ZFP41: variants seen among roughly 807,000 people sequenced by gnomAD.
ZFP41 encodes zinc finger protein 41 homolog.
In ZFP41, 10 loss-of-function variants were observed where a neutral mutation model predicts 11.6. The ratio of observed to expected loss-of-function variants is 0.86; its 90% CI spans 0.53 to 1.47. ZFP41 has a LOEUF of 1.47. Among genes scored for constraint, ZFP41 ranks in the 40% most tolerant of loss-of-function variants. The pLI is 0.00. For synonymous variants in ZFP41, 123 were observed against 100.9 expected (o/e 1.22, Z -1.31); for missense variants, 302 against 264.6 (o/e 1.14, Z -0.98).
rs1816760824 is a variant in ZFP41 at position 143,249,799 on chromosome 8, G to A, written c.-45G>A. 6.6e-7 allele frequency: 1 copy of A among 1,525,718 alleles called. No individual in the cohort carries two copies. The allele number at this position is 1,525,718 out of a possible 1,614,324, so 94.5% of individuals were successfully genotyped here. ...CCATTGAGGAAGTGGGGCCAACAGA[G>A]AGGTCAGCAGCCCCTTAGCCCTCAC... On this transcript the variant is annotated 5_prime_UTR_variant, in exon 2 of 3. Transcript: ENST00000330701.
Position 143,250,290 on chromosome 8 carries a change from G to A in ZFP41, c.447G>A (p.Gly149=). 1 of 1,614,100 alleles carries A rather than the reference G, an allele frequency of 6.2e-7. No individual in the cohort carries two copies. The highest frequency in any genetic ancestry group is 1.7e-5 in the Admixed American group (1 of 60,030). ...GEKPFKCGEC[G]KAFNCGSNLL... is the part of the protein sequence containing the mutation. ...AGCCCTTCAAATGCGGGGAGTGCGG[G>A]AAAGCCTTTAACTGCGGCTCCAATC... Residue 149 remains glycine, a synonymous_variant, in exon 2 of 3, where the codon GGG becomes GGA. Coordinates refer to ENST00000330701, the MANE Select transcript of ZFP41 (RefSeq NM_173832.6).
At chr8:143,251,978 T>G (rs1344463670) in intron 2 of ZFP41, among the ~76,000 whole-genome samples, 1 of 152,214 alleles carries the variant, frequency 6.6e-6, no homozygotes, top group Non-Finnish European at 1.5e-5. Flanking sequence ...GCCTGTTCCA[T>G]GGCAGGGGGT....
intron 2 of ZFP41, among the ~76,000 whole-genome samples, chr8:143,255,524 C>T (rs1258768132): frequency 1.4e-5 from 2 of 138,642 alleles, no homozygotes; most frequent in Admixed American, 7.2e-5. Context: ...GATCAGGGCT[C>T]GCCCCACGTG....
chr8:143,254,628 T>TA (rs1814863337), intron 2 of ZFP41, among the ~76,000 whole-genome samples: 1 of 139,016 alleles, frequency 7.2e-6, no homozygotes, highest in Admixed American at 8.4e-5. Flanking sequence ...TAGGGAGCGT[T>TA]ACTTTTTTTT....
chr8:143,255,630 C>T (rs1316756413), intron 2 of ZFP41, among the ~76,000 whole-genome samples: 4 of 137,744 alleles, frequency 2.9e-5, no homozygotes, highest in African/African-American at 5.6e-5. Flanking sequence ...GAGCTCACCC[C>T]GCGTGCTGGT....
In ZFP41 at chr8:143,262,021, G is replaced by GCCTGCA. The variant is rs1025804735; in HGVS notation, c.*3150_*3155dup. ...GCCACGCCCGTCTCCGGCAGCCCCT[G>GCCTGCA]CCTGCACCCGCACCCCTCACGGCTG... On this transcript the variant is annotated 3_prime_UTR_variant, in exon 3 of 3. Transcript: ENST00000330701. 3 of 196,716 alleles carry GCCTGCA rather than the reference G, an allele frequency of 1.5e-5. No homozygotes were observed. The highest frequency in any genetic ancestry group is 3.8e-4 in the East Asian group (2 of 5,240). The allele number at this position is 196,716 out of a possible 1,614,324, so 12.2% of individuals were successfully genotyped here.
Position 143,261,575 on chromosome 8 carries a change from C to A in ZFP41, c.*2701C>A. 6.5e-6 allele frequency: 1 copy of A among 153,610 alleles called. No individual in the cohort carries two copies. The highest frequency in any genetic ancestry group is 1.4e-5 in the Non-Finnish European group (1 of 68,970). 9.5% of individuals were successfully genotyped at this position (153,610 alleles called of 1,614,324 possible). A position where few individuals can be genotyped will look rare whatever the true frequency, so the allele number is the denominator to read the frequency against. ...AACCTAGCCACGTGGTCAGGGAGCCCGGGCCTAGCAGACGGCCCCCACCTT... is the reference window on the plus strand; with the variant it reads ...AACCTAGCCACGTGGTCAGGGAGCCAGGGCCTAGCAGACGGCCCCCACCTT... On this transcript the variant is annotated 3_prime_UTR_variant, in exon 3 of 3. Transcript: ENST00000330701.
Position 143,250,279 on chromosome 8 carries a change from G to T in ZFP41, c.436G>T (p.Gly146Trp). ...CACGGGAGAGAAGCCCTTCAAATGC[G>T]GGGAGTGCGGGAAAGCCTTTAACTG... ...THTGEKPFKC[G>W]ECGKAFNCGS... Residue 146 changes from glycine (G) to tryptophan (W), a missense_variant, in exon 2 of 3, where the codon GGG becomes TGG. Gly to Trp is a radical substitution (Grantham distance 184, BLOSUM62 -2). Coordinates refer to ENST00000330701, the MANE Select transcript of ZFP41 (RefSeq NM_173832.6). 10 of 1,614,070 alleles carry T rather than the reference G, an allele frequency of 6.2e-6. No homozygotes were observed. Among genetic ancestry groups the T allele is most frequent in the Non-Finnish European group, 7.6e-6 (9 of 1,180,030 alleles).
At position 143,260,588 on chromosome 8, in the gene ZFP41, G is replaced by A; in HGVS notation, c.*1714G>A. ...CATGGCGCACCCACACCAGCCCCGG[G>A]CTCCGCCTGGACAGCACCTCCTGGG... On this transcript the variant is annotated 3_prime_UTR_variant, in exon 3 of 3. Transcript: ENST00000330701. 5.8e-6 allele frequency: 1 copy of A among 171,426 alleles called. No individual in the cohort carries two copies. Among genetic ancestry groups the A allele is most frequent in the African/African-American group, 2.4e-5 (1 of 41,636 alleles). The allele number at this position is 171,426 out of a possible 1,614,324, so 10.6% of individuals were successfully genotyped here. A position where few individuals can be genotyped will look rare whatever the true frequency, so the allele number is the denominator to read the frequency against.
rs1241957356 is a variant in ZFP41, at chr8:143,261,783, G to A, written c.*2909G>A. ...CCGCACCCGTGCACCTTCCACGCCC[G>A]TCTCCAGCAGCCCCTGCCCCCACCC... is the stretch of plus-strand genomic sequence containing the variant. On this transcript the variant is annotated 3_prime_UTR_variant, in exon 3 of 3. Transcript: ENST00000330701. 1.1e-4 allele frequency: 22 copies of A among 204,668 alleles called. No homozygotes were observed. The highest frequency in any genetic ancestry group is 1.2e-4 in the South Asian group (2 of 16,764). 12.7% of individuals were successfully genotyped at this position (204,668 alleles called of 1,614,324 possible).
At chr8:143,249,498 T>G (rs971070217) in intron 1 of ZFP41, 192 bp from the exon 2 acceptor site, 2 of 205,030 alleles carry the variant, frequency 9.8e-6, no homozygotes, top group Non-Finnish European at 2.0e-5. Flanking sequence ...AAGGATTCCT[T>G]GGTGAGCAAC....
intron 2 of ZFP41, among the ~76,000 whole-genome samples, chr8:143,252,234 C>T (rs1014671595): frequency 1.3e-5 from 2 of 152,260 alleles, no homozygotes; most frequent in Non-Finnish European, 2.9e-5. Context: ...CAGCCCGTCA[C>T]CTGCTCACAC....
Position 143,250,931 on chromosome 8 carries a change from GA to G in ZFP41, c.*492del, listed in dbSNP as rs1814730599. 5.7e-6 allele frequency: 1 copy of G among 176,786 alleles called. No individual in the cohort carries two copies. The highest frequency in any genetic ancestry group is 1.4e-5 in the Non-Finnish European group (1 of 73,568). 11.0% of individuals were successfully genotyped at this position (176,786 alleles called of 1,614,324 possible). On this transcript the variant is annotated 3_prime_UTR_variant, in exon 2 of 3. Transcript: ENST00000330701. ...TGGACTCTCTGCCCTCTGGGTCCCC[GA>G]GCTCTGCAGCGAGCCCTGGGACCAC...
At chr8:143,258,847 G>A (rs933364030) in intron 2 of ZFP41, among the ~76,000 whole-genome samples, 5 of 152,208 alleles carry the variant, frequency 3.3e-5, no homozygotes, top group Admixed American at 1.3e-4. Flanking sequence ...GCCCCACAGC[G>A]TGGTAAAGAT....
At position 143,250,412 on chromosome 8, in the gene ZFP41, A is replaced by C; in HGVS notation, c.569A>C (p.Gln190Pro). Reference protein sequence around the residue: ...FAYSSCLIRHQKRHPRKKP With the variant: ...FAYSSCLIRHPKRHPRKKP Reference sequence around the variant, plus strand: ...TACAGCTCCTGTCTCATCCGCCATCAGAAACGCCACCCTCGGAAGAAGCCC... The same window carrying C: ...TACAGCTCCTGTCTCATCCGCCATCCGAAACGCCACCCTCGGAAGAAGCCC... Residue 190 changes from glutamine to proline, a missense_variant, in exon 2 of 3, where the codon CAG (glutamine) becomes CCG (proline). Transcript: ENST00000330701. 1 of 1,611,910 alleles carries C rather than the reference A, an allele frequency of 6.2e-7. No homozygotes were observed. The highest frequency in any genetic ancestry group is 8.5e-7 in the Non-Finnish European group (1 of 1,178,532).
rs915050726 is a variant in ZFP41, at chr8:143,260,417, G to A, written c.*1543G>A. ...GACTCCGGTGAGGTCACCCTGGAGG[G>A]GAGTCCCAGGAATCAGCCTGATGTT... On this transcript the variant is annotated 3_prime_UTR_variant, in exon 3 of 3. Coordinates refer to ENST00000330701, the MANE Select transcript of ZFP41 (RefSeq NM_173832.6). 6.4e-6 allele frequency: 1 copy of A among 157,090 alleles called. No individual in the cohort carries two copies. Among genetic ancestry groups the A allele is most frequent in the Non-Finnish European group, 1.4e-5 (1 of 71,078 alleles). 9.7% of individuals were successfully genotyped at this position (157,090 alleles called of 1,614,324 possible).
chr8:143,252,945 A>G (rs979868676), intron 2 of ZFP41: 2 of 152,266 alleles, frequency 1.3e-5, no homozygotes, highest in African/African-American at 4.8e-5. Context: ...CGTTCCCGGT[A>G]TGTCCTGAGG....
chr8:143,247,546 GGTGA>G (rs1350917757), intron 1 of ZFP41: 1 of 152,300 alleles, frequency 6.6e-6, no homozygotes, highest in Admixed American at 6.5e-5. Context: ...GAGGCGCCAG[GGTGA>G]GTGAGGTTTT....
chr8:143,253,960 C>T (rs771534033), intron 2 of ZFP41, among the ~76,000 whole-genome samples: 10 of 152,026 alleles, frequency 6.6e-5, no homozygotes, highest in Admixed American at 3.3e-4. Context: ...TCATAAGGAG[C>T]GTGCAACCTA....
Sources: allele counts gnomAD v4.1 joint callset (sites outside exome capture counted in the v4.1 genomes callset), GRCh38; gene constraint gnomAD v4.1.1; transcripts MANE v1.5; gene names NCBI Gene and HGNC (gene_info 2026-07-23, HGNC 2026-07-21).